Variants in NLGN1 observed in about 807,000 individuals in gnomAD.
The protein encoded by NLGN1 is neuroligin 1, also known as neuroligin-1.
In NLGN1, 12 loss-of-function variants were observed where a neutral mutation model predicts 65.5. That is an observed-to-expected ratio of 0.18 (90% CI 0.12 to 0.30). The LOEUF is 0.30. Among genes scored for constraint, NLGN1 ranks in the 10% least tolerant of loss-of-function variants. The pLI, the probability that NLGN1 is intolerant of heterozygous loss-of-function variation, is 1.00. For missense variants in NLGN1, 750 were observed against 1,007.1 expected (o/e 0.74, Z 3.46); for synonymous variants, 350 against 359.5 (o/e 0.97, Z 0.30).
intron 4 of NLGN1, among the ~76,000 whole-genome samples, chr3:174,257,682 G>T (rs1397209292): frequency 6.6e-6 from 1 of 151,642 alleles, no homozygotes; most frequent in Non-Finnish European, 1.5e-5. Flanking sequence ...AATACATGTT[G>T]TATTAATCAG....
At chr3:173,421,601 C>T (rs1383383828) in intron 1 of NLGN1, among the ~76,000 whole-genome samples, 1 of 151,712 alleles carries the variant, frequency 6.6e-6, no homozygotes, top group East Asian at 1.9e-4. Context: ...GCCTCCTGGG[C>T]TCAAGCAGTT....
chr3:173,835,608 C>CACACACA (rs2150631377), intron 4 of NLGN1, among the ~76,000 whole-genome samples: 1 of 151,722 alleles, frequency 6.6e-6, no homozygotes, highest in Non-Finnish European at 1.5e-5. Context: ...CACACACACA[C>CACACACA]ACTTTTTCTC....
At chr3:173,881,618 G>T (rs1001627892) in intron 4 of NLGN1, among the ~76,000 whole-genome samples, 1 of 148,982 alleles carries the variant, frequency 6.7e-6, no homozygotes, top group Non-Finnish European at 1.5e-5. Flanking sequence ...AGTAGAGACG[G>T]GGTTTCACTA....
At chr3:174,255,740 C>T (rs1355179908) in intron 4 of NLGN1, among the ~76,000 whole-genome samples, 1 of 150,822 alleles carries the variant, frequency 6.6e-6, no homozygotes, top group Admixed American at 6.6e-5. Flanking sequence ...CTTAGTGCAA[C>T]CTCTGATTCC....
At chr3:174,063,256 A>C (rs973455459) in intron 4 of NLGN1, among the ~76,000 whole-genome samples, 3 of 152,158 alleles carry the variant, frequency 2.0e-5, no homozygotes, top group Non-Finnish European at 4.4e-5. Flanking sequence ...TTCCAAGGAA[A>C]ATAACTCTCA....
At chr3:173,778,359 A>G (rs951508427) in intron 3 of NLGN1, among the ~76,000 whole-genome samples, 2 of 151,890 alleles carry the variant, frequency 1.3e-5, no homozygotes, top group African/African-American at 4.8e-5. Context: ...AGAGTCTCGA[A>G]TAATTTACAG....
downstream of NLGN1, among the ~76,000 whole-genome samples, chr3:174,288,188 A>G (rs190844076): frequency 3.5e-3 from 535 of 151,516 alleles, 2 homozygotes; most frequent in African/African-American, 0.012. Context: ...TCTTGAGTTC[A>G]AAAAAAATTA....
chr3:174,272,646 T>TATGG (rs149767908), intron 4 of NLGN1, among the ~76,000 whole-genome samples: 289 of 145,414 alleles, frequency 2.0e-3, no homozygotes, highest in Non-Finnish European at 3.5e-3. Context: ...CAGATGATGA[T>TATGG]ATGGATGGAT....
At chr3:173,855,698 A>G (rs1337179646) in intron 4 of NLGN1, among the ~76,000 whole-genome samples, 1 of 152,184 alleles carries the variant, frequency 6.6e-6, no homozygotes, top group East Asian at 1.9e-4. Context: ...TTCAACATAC[A>G]TGATTTGAAT....
At chr3:173,946,083 T>A (rs1747091185) in intron 4 of NLGN1, among the ~76,000 whole-genome samples, 1 of 152,238 alleles carries the variant, frequency 6.6e-6, no homozygotes, top group Admixed American at 6.5e-5. Context: ...AGACTCACTT[T>A]AACACAACAG....
intron 3 of NLGN1, among the ~76,000 whole-genome samples, chr3:173,632,810 A>G (rs1345776638): frequency 7.0e-6 from 1 of 142,930 alleles, no homozygotes; most frequent in Non-Finnish European, 1.5e-5. Flanking sequence ...AATAGACAGG[A>G]TTTTAGAGAA....
rs1221532510 is a variant in NLGN1 at position 173,498,502 on chromosome 3, C to T, written c.-321+63424C>T. Among the ~76,000 whole-genome samples the T allele has an allele frequency of 7.2e-5, 11 of 151,752 alleles. 1 individual carries two copies. Among genetic ancestry groups the T allele is most frequent in the South Asian group, 2.1e-4 (1 of 4,806 alleles). On this transcript the variant is annotated intron_variant, in intron 2 of 6. Coordinates refer to ENST00000457714, the Ensembl canonical transcript of NLGN1. ...AAGTCTTTACTATTGTGAATAGTGC[C>T]GCAATAAACATACGTGTGCATGTGG...
chr3:173,870,588 C>T (rs920877823), intron 4 of NLGN1, among the ~76,000 whole-genome samples: 1 of 152,088 alleles, frequency 6.6e-6, no homozygotes, highest in Non-Finnish European at 1.5e-5. Flanking sequence ...TTATCTGGCT[C>T]TGAATTTAAG....
intron 4 of NLGN1, among the ~76,000 whole-genome samples, chr3:174,127,479 C>T (rs888277684): frequency 6.6e-6 from 1 of 151,946 alleles, no homozygotes; most frequent in Non-Finnish European, 1.5e-5. Context: ...TTTTTTGCAT[C>T]AGGTGTAGGG....
chr3:173,767,463 G>A (rs570556080), intron 3 of NLGN1, among the ~76,000 whole-genome samples: 15 of 151,442 alleles, frequency 9.9e-5, no homozygotes, highest in Middle Eastern at 3.4e-3. Context: ...ATTTATAAGG[G>A]GAATAGGCAT....
chr3:174,258,685 A>T (rs989208178), intron 4 of NLGN1, among the ~76,000 whole-genome samples: 12 of 152,202 alleles, frequency 7.9e-5, no homozygotes, highest in African/African-American at 2.9e-4. Context: ...AACATCAGAT[A>T]AACCCTAATT....
chr3:173,980,517 C>T (rs559891700), intron 4 of NLGN1, among the ~76,000 whole-genome samples: 2 of 151,966 alleles, frequency 1.3e-5, no homozygotes, highest in Admixed American at 6.6e-5. Context: ...ATTTTTTCCT[C>T]ATTATAATAG....
chr3:173,820,384 G>T (rs1200230337), intron 4 of NLGN1, among the ~76,000 whole-genome samples: 1 of 152,132 alleles, frequency 6.6e-6, no homozygotes, highest in African/African-American at 2.4e-5. Flanking sequence ...TGCTCAGCAT[G>T]AGGTAAGTGA....
chr3:173,460,516 T>A (rs1021130299), intron 2 of NLGN1, among the ~76,000 whole-genome samples: 1 of 152,150 alleles, frequency 6.6e-6, no homozygotes, highest in Non-Finnish European at 1.5e-5. Context: ...ATCATCTAAG[T>A]ACTGTCACAG....
Sources: allele counts gnomAD v4.1 joint callset (sites outside exome capture counted in the v4.1 genomes callset), GRCh38; gene constraint gnomAD v4.1.1; transcripts MANE v1.5; gene names NCBI Gene and HGNC (gene_info 2026-07-23, HGNC 2026-07-21).